CDH12: variants seen among roughly 807,000 people sequenced by gnomAD.
CDH12 encodes the protein cadherin 12.
CDH12 carries 41 observed loss-of-function variants against 74.1 expected under a neutral mutation model. The observed-to-expected ratio is 0.55, with a 90% CI of 0.43 to 0.72. CDH12 has a LOEUF of 0.72. CDH12 is among the 30% of genes least tolerant of loss of function. The probability of loss-of-function intolerance (pLI) is 0.00; values close to 1 mark genes in which losing one functional copy is unlikely to be tolerated. For missense variants in CDH12, 945 were observed against 977.2 expected, an observed-to-expected ratio of 0.97 and a Z score of 0.44; for synonymous variants, 399 against 355.0, an observed-to-expected ratio of 1.12 and a Z score of -1.39.
rs540528753 is a variant in CDH12, at chr5:22,571,097, T to C, written c.-522-65733A>G. Among the ~76,000 whole-genome samples, 11 of 152,334 alleles carry C rather than the reference T, an allele frequency of 7.2e-5. No homozygotes were observed. The South Asian group carries it at 2.3e-3, about 32-fold the overall frequency. ...GGAGCCTTTCTCTGGATTAGGGTTCTATGCAGGGGTATGTTTTGGCTGCTT... is the reference window on the plus strand; with the variant it reads ...GGAGCCTTTCTCTGGATTAGGGTTCCATGCAGGGGTATGTTTTGGCTGCTT... On this transcript the variant is annotated intron_variant, in intron 1 of 14. Coordinates refer to ENST00000382254, the MANE Select transcript of CDH12 (RefSeq NM_004061.5).
chr5:22,675,963 G>C (rs889097205), intron 1 of CDH12, among the ~76,000 whole-genome samples: 3 of 141,948 alleles, frequency 2.1e-5, no homozygotes, highest in Non-Finnish European at 3.0e-5. Context: ...TATAACTTTA[G>C]AAATATCTTC....
intron 3 of CDH12, among the ~76,000 whole-genome samples, chr5:22,375,878 A>G (rs1057090173): frequency 6.6e-6 from 1 of 152,154 alleles, no homozygotes; most frequent in African/African-American, 2.4e-5. Flanking sequence ...AAATTACTAC[A>G]GCCACTATGG....
chr5:21,960,809 A>G (rs1756325516), intron 6 of CDH12, among the ~76,000 whole-genome samples: 1 of 151,994 alleles, frequency 6.6e-6, no homozygotes, highest in Non-Finnish European at 1.5e-5. Context: ...GAGATACAGC[A>G]AAATGCACAG....
At chr5:22,839,877 G>A (rs1737007006) in intron 1 of CDH12, among the ~76,000 whole-genome samples, 2 of 152,052 alleles carry the variant, frequency 1.3e-5, no homozygotes, top group Non-Finnish European at 2.9e-5. Flanking sequence ...GCAGGCAGAG[G>A]TAATTTTACC....
chr5:22,781,578 G>A (rs189995171), intron 1 of CDH12, among the ~76,000 whole-genome samples: 4 of 152,124 alleles, frequency 2.6e-5, no homozygotes, highest in Non-Finnish European at 5.9e-5. Context: ...GAACTGAAAA[G>A]CTTTGTTAGC....
chr5:22,691,324 A>C (rs1376736627), intron 1 of CDH12, among the ~76,000 whole-genome samples: 1 of 152,168 alleles, frequency 6.6e-6, no homozygotes, highest in Non-Finnish European at 1.5e-5. Context: ...TTAACTTGAT[A>C]CATCATCTAG....
chr5:21,915,520 T>C (rs753476917), intron 6 of CDH12, among the ~76,000 whole-genome samples: 2 of 152,162 alleles, frequency 1.3e-5, no homozygotes, highest in Non-Finnish European at 1.5e-5. Flanking sequence ...CTGATAAGAT[T>C]GGTACTGGAG....
At chr5:22,610,175 A>G (rs892895250) in intron 1 of CDH12, among the ~76,000 whole-genome samples, 1 of 152,182 alleles carries the variant, frequency 6.6e-6, no homozygotes, top group African/African-American at 2.4e-5. Flanking sequence ...TTTACTGATG[A>G]CTTGATACAG....
intron 3 of CDH12, among the ~76,000 whole-genome samples, chr5:22,363,628 G>A (rs777435019): frequency 6.6e-6 from 1 of 152,148 alleles, no homozygotes; most frequent in Non-Finnish European, 1.5e-5. Flanking sequence ...TTGGAAAGCT[G>A]ACAGATAACA....
intron 3 of CDH12, among the ~76,000 whole-genome samples, chr5:22,255,348 A>AT (rs1461141595): frequency 2.0e-5 from 3 of 151,706 alleles, no homozygotes; most frequent in Non-Finnish European, 2.9e-5. Flanking sequence ...GAAAAGTATT[A>AT]TTTTTTACAT....
At chr5:22,633,181 C>A (rs971972673) in intron 1 of CDH12, among the ~76,000 whole-genome samples, 1 of 152,044 alleles carries the variant, frequency 6.6e-6, no homozygotes, top group Non-Finnish European at 1.5e-5. Flanking sequence ...AGAATACCCA[C>A]AAAAACCATC....
chr5:22,268,519 T>C (rs570549073), intron 3 of CDH12, among the ~76,000 whole-genome samples: 71 of 152,086 alleles, frequency 4.7e-4, no homozygotes, highest in Non-Finnish European at 7.6e-4. Context: ...AAGTGACATA[T>C]TAATTAAATT....
intron 1 of CDH12, among the ~76,000 whole-genome samples, chr5:22,772,226 G>T (rs1464449374): frequency 6.6e-6 from 1 of 151,898 alleles, no homozygotes; most frequent in East Asian, 1.9e-4. Flanking sequence ...GCCATGGGAG[G>T]TTTTGAGAGA....
intron 1 of CDH12, among the ~76,000 whole-genome samples, chr5:22,744,318 A>G (rs1013556578): frequency 3.3e-4 from 50 of 151,880 alleles, no homozygotes; most frequent in Non-Finnish European, 1.5e-4. Flanking sequence ...AGTCCCAGCT[A>G]CTCGGGAGGC....
In CDH12 at chr5:21,833,267, T is replaced by A. The variant is rs550538576; in HGVS notation, c.814+8894A>T. On this transcript the variant is annotated intron_variant, in intron 8 of 14. Coordinates refer to ENST00000382254, the MANE Select transcript of CDH12 (RefSeq NM_004061.5). ...ATATTATATATTATATAACATATAA[T>A]ATATATTATATGTTATATAACATAT... is the stretch of plus-strand genomic sequence containing the variant. Among the ~76,000 whole-genome samples, 98 of 53,356 alleles carry A rather than the reference T, an allele frequency of 1.8e-3. 15 individuals carry two copies. The highest frequency in any genetic ancestry group is 0.014 in the African/African-American group (85 of 6,082). The allele number at this position is 53,356 out of a possible 152,430, so 35.0% of individuals were successfully genotyped here.
intron 4 of CDH12, among the ~76,000 whole-genome samples, chr5:22,132,289 G>A (rs1462638959): frequency 6.6e-6 from 1 of 151,906 alleles, no homozygotes; most frequent in Non-Finnish European, 1.5e-5. Flanking sequence ...AAAATAAAAT[G>A]TTCTGAAGTG....
At chr5:21,816,787 C>T (rs1056661670) in intron 9 of CDH12, among the ~76,000 whole-genome samples, 158 bp downstream of exon 9, 24 of 151,698 alleles carry the variant, frequency 1.6e-4, no homozygotes, top group East Asian at 5.8e-4. Flanking sequence ...AGATTTTTGA[C>T]GGCACGGAGT....
chr5:22,700,573 C>A (rs1392494401), intron 1 of CDH12, among the ~76,000 whole-genome samples: 1 of 152,148 alleles, frequency 6.6e-6, no homozygotes. Context: ...ATCGCCTAAG[C>A]AGAAACCGTG....
At chr5:21,818,702 T>C (rs1748201302) in intron 8 of CDH12, among the ~76,000 whole-genome samples, 1 of 151,992 alleles carries the variant, frequency 6.6e-6, no homozygotes. Context: ...TTTACAGTGG[T>C]CCACAAGAGT....
Sources: gnomAD v4.1 joint callset for allele counts (sites outside exome capture counted in the v4.1 genomes callset) on GRCh38, gnomAD v4.1.1 for gene constraint, MANE v1.5 for transcripts, NCBI Gene and HGNC (gene_info 2026-07-23, HGNC 2026-07-21) for gene names.